The following NPAS3 variants were observed in gnomAD, a reference collection of about 807,000 sequenced individuals.
The protein encoded by NPAS3 is neuronal PAS domain-containing protein 3.
In NPAS3, 14 loss-of-function variants were observed where a neutral mutation model predicts 73.1. The ratio of observed to expected loss-of-function variants is 0.19; its 90% CI spans 0.13 to 0.30. The LOEUF is 0.30. Among genes scored for constraint, NPAS3 ranks in the 10% least tolerant of loss-of-function variants. NPAS3 has a pLI of 1.00. For missense variants in NPAS3, 1,096 were observed against 1,250.0 expected, an observed-to-expected ratio of 0.88 and a Z score of 1.86; for synonymous variants, 620 against 541.5, an observed-to-expected ratio of 1.14 and a Z score of -2.01.
At chr14:33,020,755 C>A (rs1394907344) in intron 1 of NPAS3, among the ~76,000 whole-genome samples, 1 of 150,852 alleles carries the variant, frequency 6.6e-6, no homozygotes, top group Non-Finnish European at 1.5e-5. Context: ...TCAAGTCCAA[C>A]GTTTTTGTTT....
At chr14:33,660,802 C>T (rs976333319) in intron 5 of NPAS3, among the ~76,000 whole-genome samples, 4 of 152,112 alleles carry the variant, frequency 2.6e-5, no homozygotes, top group African/African-American at 9.7e-5. Context: ...CTGTTTTATT[C>T]GTCTCTGTTT....
intron 3 of NPAS3, among the ~76,000 whole-genome samples, chr14:33,263,796 T>C (rs1285333139): frequency 6.6e-6 from 1 of 152,178 alleles, no homozygotes; most frequent in Non-Finnish European, 1.5e-5. Flanking sequence ...TTTTATTTTG[T>C]TGAGCAGTGG....
rs1195193073 is a variant in NPAS3 at position 33,436,620 on chromosome 14, A to G, written c.468+69352A>G. Among the ~76,000 whole-genome samples, 9 of 152,336 alleles carry G rather than the reference A, an allele frequency of 5.9e-5. No individual in the cohort carries two copies. In the East Asian group the frequency reaches 1.5e-3, roughly 26 times the overall value. ...TTTCAAATATTGTCTACCATTCTGT[A>G]TCTGTGTTCCTCAAAGGTCAGTGCA... On this transcript the variant is annotated intron_variant, in intron 4 of 11. Transcript: ENST00000356141.
At chr14:33,588,718 A>G (rs560870934) in intron 5 of NPAS3, among the ~76,000 whole-genome samples, 4 of 152,252 alleles carry the variant, frequency 2.6e-5, no homozygotes, top group African/African-American at 9.6e-5. Flanking sequence ...GGTTCAAGTA[A>G]TTCTCCTGCC....
At chr14:33,654,232 A>G (rs1368657698) in intron 5 of NPAS3, among the ~76,000 whole-genome samples, 1 of 152,156 alleles carries the variant, frequency 6.6e-6, no homozygotes, top group Non-Finnish European at 1.5e-5. Context: ...AATCTAATCA[A>G]TCAATTAATC....
intron 3 of NPAS3, among the ~76,000 whole-genome samples, chr14:33,326,898 G>A (rs1294431604): frequency 6.6e-6 from 1 of 152,210 alleles, no homozygotes; most frequent in Non-Finnish European, 1.5e-5. Flanking sequence ...TCTCAGAATA[G>A]TGGGGATGTA....
At chr14:33,681,574 G>C (rs970634626) in intron 6 of NPAS3, among the ~76,000 whole-genome samples, 2 of 152,186 alleles carry the variant, frequency 1.3e-5, no homozygotes, top group African/African-American at 2.4e-5. Flanking sequence ...CCCTACTGGG[G>C]AAAGGCATAC....
chr14:33,090,852 C>A (rs1032934549), intron 2 of NPAS3, among the ~76,000 whole-genome samples: 1 of 152,204 alleles, frequency 6.6e-6, no homozygotes, highest in Admixed American at 6.5e-5. Context: ...TCACTCAAAA[C>A]CGCTCAACTA....
intron 4 of NPAS3, among the ~76,000 whole-genome samples, chr14:33,446,672 T>C (rs1195748217): frequency 6.6e-6 from 1 of 152,206 alleles, no homozygotes; most frequent in East Asian, 1.9e-4. Flanking sequence ...CTTTCTTTCT[T>C]TTTAACTGCG....
At chr14:33,284,581 C>T (rs2041784834) in intron 3 of NPAS3, among the ~76,000 whole-genome samples, 1 of 152,030 alleles carries the variant, frequency 6.6e-6, no homozygotes, top group Admixed American at 6.6e-5. Flanking sequence ...AGACAGTAAT[C>T]AAATTACTGG....
chr14:33,160,776 G>GT (rs2044846685), intron 2 of NPAS3, among the ~76,000 whole-genome samples: 1 of 151,556 alleles, frequency 6.6e-6, no homozygotes. Context: ...AGGAACTTGG[G>GT]TGAAGTCAGC....
chr14:33,316,152 G>C (rs1026030481), intron 3 of NPAS3, among the ~76,000 whole-genome samples: 1 of 152,072 alleles, frequency 6.6e-6, no homozygotes, highest in Non-Finnish European at 1.5e-5. Flanking sequence ...AGAAAATGGA[G>C]CTCACTGAGC....
chr14:33,519,181 A>T (rs368337304), intron 4 of NPAS3, among the ~76,000 whole-genome samples: 1 of 152,076 alleles, frequency 6.6e-6, no homozygotes. Flanking sequence ...ACCAGTTTCA[A>T]CTGTTTCGCT....
chr14:33,667,970 C>T (rs915475486), intron 5 of NPAS3, among the ~76,000 whole-genome samples: 3 of 151,944 alleles, frequency 2.0e-5, no homozygotes, highest in Non-Finnish European at 4.4e-5. Flanking sequence ...CGTAGGTAAA[C>T]GTGTGCCATG....
chr14:33,676,521 C>T, intron 6 of NPAS3, 136 bp downstream of exon 6: 1 of 567,220 alleles, frequency 1.8e-6, no homozygotes, highest in Non-Finnish European at 2.8e-6. Context: ...CAGTCCCATG[C>T]AGTAATTAAA....
chr14:33,261,460 C>G (rs2048974449), intron 3 of NPAS3, among the ~76,000 whole-genome samples: 1 of 152,004 alleles, frequency 6.6e-6, no homozygotes, highest in Non-Finnish European at 1.5e-5. Context: ...AATGAACATC[C>G]ATTGTACATA....
At chr14:33,000,563 C>A (rs2038770173) in intron 1 of NPAS3, among the ~76,000 whole-genome samples, 2 of 152,056 alleles carry the variant, frequency 1.3e-5, no homozygotes, top group Admixed American at 1.3e-4. Context: ...TTATGAAGCA[C>A]TGACAGCGTA....
At chr14:33,197,823 G>T (rs925973090) in intron 2 of NPAS3, among the ~76,000 whole-genome samples, 2 of 152,216 alleles carry the variant, frequency 1.3e-5, no homozygotes, top group African/African-American at 2.4e-5. Context: ...TGGAGCAACT[G>T]CTGTGTCCCA....
intron 4 of NPAS3, among the ~76,000 whole-genome samples, chr14:33,420,987 C>A (rs2048339918): frequency 1.3e-5 from 2 of 151,904 alleles, no homozygotes; most frequent in Non-Finnish European, 2.9e-5. Flanking sequence ...ATTGAGCCGT[C>A]CTCTGTGTAG....
Sources: gnomAD v4.1 joint callset for allele counts (sites outside exome capture counted in the v4.1 genomes callset) on GRCh38, gnomAD v4.1.1 for gene constraint, MANE v1.5 for transcripts, NCBI Gene and HGNC (gene_info 2026-07-23, HGNC 2026-07-21) for gene names.